KIAA1328: variants seen among roughly 807,000 people sequenced by gnomAD.
KIAA1328 encodes KIAA1328.
A neutral mutation model predicts 68.1 loss-of-function variants in KIAA1328; 52 were observed. The observed-to-expected ratio is 0.76, with a 90% CI of 0.61 to 0.96. The LOEUF (loss-of-function observed/expected upper bound fraction) is 0.96. Among genes scored for constraint, KIAA1328 ranks in the 40% least tolerant of loss-of-function variants. The pLI, the probability that KIAA1328 is intolerant of heterozygous loss-of-function variation, is 0.00. For synonymous variants in KIAA1328, 232 were observed against 239.4 expected, an observed-to-expected ratio of 0.97 and a Z score of 0.28; for missense variants, 641 against 677.6, an observed-to-expected ratio of 0.95 and a Z score of 0.60.
chr18:36,977,602 A>G (rs6507187), intron 6 of KIAA1328, among the ~76,000 whole-genome samples: 110,676 of 151,280 alleles, frequency 0.73, 43,606 homozygotes, highest in South Asian at 0.89. Context: ...AGGACACCCA[A>G]CTGGAACTGT....
chr18:36,835,302 A>T lies in KIAA1328; in HGVS notation c.163A>T (p.Lys55Ter), dbSNP rs757676318. 1.9e-6 allele frequency: 3 copies of T among 1,613,678 alleles called. No homozygotes were observed. The South Asian group carries it at 3.3e-5, about 18-fold the overall frequency. Residue 55 changes from lysine to a stop codon, truncating the protein, a stop_gained, in exon 3 of 10, where the codon AAG becomes TAG. Transcript: ENST00000280020. LOFTEE classifies it high-confidence loss of function. ...LMSPKADVKLKTSRVTDASIS... is the reference protein window; with the variant it reads ...LMSPKADVKL ...GAGTCCAAAAGCTGATGTTAAACTT[A>T]AGACTTCCAGGGTGACTGATGCTTC...
At chr18:36,923,735 A>G (rs959608402) in intron 5 of KIAA1328, 2 of 152,258 alleles carry the variant, frequency 1.3e-5, no homozygotes, top group Non-Finnish European at 2.9e-5. Context: ...GACAATTTAA[A>G]TTTAAATTAA....
chr18:36,835,199 A>G (rs967338780), intron 2 of KIAA1328, 35 bp from the exon 3 acceptor site: 1 of 1,598,196 alleles, frequency 6.3e-7, no homozygotes, highest in Non-Finnish European at 8.5e-7. Context: ...ATAATAAGGT[A>G]TAATTTTGAA....
At chr18:36,872,590 C>T (rs933425301) in intron 4 of KIAA1328, among the ~76,000 whole-genome samples, 2 of 152,164 alleles carry the variant, frequency 1.3e-5, no homozygotes, top group Non-Finnish European at 2.9e-5. Context: ...ACAACTCCTA[C>T]ACTAAAAACC....
chr18:37,111,707 C>G (rs2057935412), intron 7 of KIAA1328, among the ~76,000 whole-genome samples: 2 of 152,074 alleles, frequency 1.3e-5, no homozygotes, highest in African/African-American at 4.8e-5. Context: ...GGAGTATGAG[C>G]CAAAGCAGGG....
At chr18:36,951,365 T>C (rs1394210462) in intron 5 of KIAA1328, among the ~76,000 whole-genome samples, 2 of 152,192 alleles carry the variant, frequency 1.3e-5, no homozygotes, top group Admixed American at 6.5e-5. Context: ...ATATTTATTA[T>C]TCAATAAATA....
chr18:37,193,647 C>T (rs1471597516), intron 9 of KIAA1328: 1 of 702,588 alleles, frequency 1.4e-6, no homozygotes, highest in South Asian at 1.5e-5. Context: ...ATATTGTTCT[C>T]CTAGACAAAA....
chr18:37,218,632 G>C (rs542404503), intron 9 of KIAA1328, among the ~76,000 whole-genome samples: 122 of 152,308 alleles, frequency 8.0e-4, no homozygotes, highest in African/African-American at 2.9e-3. Context: ...CATGCGTCAC[G>C]TAGTTCTCCT....
At chr18:37,207,202 G>C (rs2060231762) in intron 9 of KIAA1328, among the ~76,000 whole-genome samples, 1 of 152,122 alleles carries the variant, frequency 6.6e-6, no homozygotes, top group Admixed American at 6.5e-5. Context: ...AGATGACATT[G>C]GAAGTACGTC....
intron 9 of KIAA1328, among the ~76,000 whole-genome samples, chr18:37,186,094 CTTT>C (rs748423012): frequency 3.3e-5 from 3 of 90,436 alleles, no homozygotes; most frequent in East Asian, 3.2e-4. Flanking sequence ...TCAAGGATGT[CTTT>C]TTTTTTTTTT....
chr18:36,926,410 T>C, intron 5 of KIAA1328, among the ~76,000 whole-genome samples: 1 of 151,772 alleles, frequency 6.6e-6, no homozygotes. Context: ...TATTTATTTA[T>C]TTATTTATTT....
At chr18:36,972,038 T>G (rs760239923) in intron 6 of KIAA1328, among the ~76,000 whole-genome samples, 16 of 152,232 alleles carry the variant, frequency 1.1e-4, no homozygotes, top group Non-Finnish European at 2.1e-4. Flanking sequence ...CATGCAGTAT[T>G]CATGACAGTA....
At chr18:37,180,576 T>A (rs144793408) in intron 9 of KIAA1328, among the ~76,000 whole-genome samples, 210 of 152,194 alleles carry the variant, frequency 1.4e-3, no homozygotes, top group African/African-American at 4.8e-3. Flanking sequence ...CAATTATGCA[T>A]AGCAGTCAGA....
intron 7 of KIAA1328, among the ~76,000 whole-genome samples, chr18:37,096,585 A>G (rs2151850263): frequency 6.6e-6 from 1 of 152,332 alleles, no homozygotes; most frequent in East Asian, 1.9e-4. Context: ...TCCTTTGGGT[A>G]TATACCCAGT....
At chr18:37,209,696 G>A (rs185247169) in intron 9 of KIAA1328, among the ~76,000 whole-genome samples, 33 of 151,874 alleles carry the variant, frequency 2.2e-4, no homozygotes, top group Non-Finnish European at 4.1e-4. Context: ...TAAGAATTGA[G>A]AATAACAGCA....
chr18:37,219,868 G>A (rs545928418), intron 9 of KIAA1328, among the ~76,000 whole-genome samples: 2 of 152,128 alleles, frequency 1.3e-5, no homozygotes, highest in East Asian at 3.9e-4. Flanking sequence ...AGATGAACCA[G>A]GTACCTCAGC....
intron 9 of KIAA1328, among the ~76,000 whole-genome samples, chr18:37,220,983 T>G (rs549758015): frequency 6.6e-6 from 1 of 152,232 alleles, no homozygotes; most frequent in South Asian, 2.1e-4. Flanking sequence ...CATGCCACCA[T>G]GCCCGCCTAA....
At chr18:37,006,118 A>C (rs926094246) in intron 6 of KIAA1328, among the ~76,000 whole-genome samples, 2 of 152,110 alleles carry the variant, frequency 1.3e-5, no homozygotes, top group Non-Finnish European at 2.9e-5. Context: ...AACACTAGGC[A>C]TTATATATGC....
At chr18:37,026,353 A>C (rs544370388) in intron 6 of KIAA1328, among the ~76,000 whole-genome samples, 1 of 152,240 alleles carries the variant, frequency 6.6e-6, no homozygotes, top group African/African-American at 2.4e-5. Context: ...AAAAGAAGGA[A>C]TCCTCCCTAA....
Sources: gnomAD v4.1 joint callset for allele counts (sites outside exome capture counted in the v4.1 genomes callset) on GRCh38, gnomAD v4.1.1 for gene constraint, MANE v1.5 for transcripts, NCBI Gene and HGNC (gene_info 2026-07-23, HGNC 2026-07-21) for gene names.